The following CNTLN variants were observed in gnomAD, a reference collection of about 807,000 sequenced individuals.
CNTLN encodes the protein centlein, centrosomal protein.
A neutral mutation model predicts 180.0 loss-of-function variants in CNTLN; 212 were observed. The ratio of observed to expected loss-of-function variants is 1.18; its 90% confidence interval spans 1.05 to 1.32. CNTLN has a LOEUF of 1.32. Ranked by LOEUF, CNTLN falls within the 40% of genes most tolerant of loss-of-function variation. CNTLN has a pLI of 0.00. For synonymous variants in CNTLN, 722 were observed against 563.1 expected (o/e 1.28, Z -3.99); for missense variants, 2,095 against 1,610.9 (o/e 1.30, Z -5.14).
At chr9:17,332,394 A>G (rs1820702926) in intron 9 of CNTLN, among the ~76,000 whole-genome samples, 1 of 152,114 alleles carries the variant, frequency 6.6e-6, no homozygotes. Context: ...ATGTAAATGT[A>G]AATGAATATT....
intron 23 of CNTLN, among the ~76,000 whole-genome samples, chr9:17,481,169 C>T (rs907677695): frequency 1.3e-5 from 2 of 152,212 alleles, no homozygotes; most frequent in Non-Finnish European, 2.9e-5. Context: ...AGCAACCCCA[C>T]CTGGCTATAG....
At chr9:17,471,728 GT>G (rs1832051250) in intron 23 of CNTLN, among the ~76,000 whole-genome samples, 1 of 151,988 alleles carries the variant, frequency 6.6e-6, no homozygotes, top group Non-Finnish European at 1.5e-5. Context: ...ACCCTTTGAG[GT>G]GGCTTTAGAG....
At chr9:17,374,569 A>G (rs1158209971) in intron 13 of CNTLN, among the ~76,000 whole-genome samples, 2 of 152,190 alleles carry the variant, frequency 1.3e-5, no homozygotes, top group South Asian at 2.1e-4. Flanking sequence ...GACTCAAACA[A>G]TTAGAAATAG....
At position 17,147,522 on chromosome 9, in the gene CNTLN, G is replaced by C. The variant is rs187541393; in HGVS notation, c.449+4146G>C. Among the ~76,000 whole-genome samples, 771 of 152,146 alleles carry C rather than the reference G, an allele frequency of 5.1e-3. 5 individuals are homozygous for C. Among genetic ancestry groups the C allele is most frequent in the Admixed American group, 8.0e-3 (122 of 15,262 alleles). On this transcript the variant is annotated intron_variant, in intron 2 of 25. Coordinates refer to ENST00000380647, the MANE Select transcript of CNTLN (RefSeq NM_017738.4). ...ATCCTCTTCTGTAGACTTCTATTTAGGTTTTGGATTATAGTTTTTCTCCCT... is the reference window on the plus strand; with the variant it reads ...ATCCTCTTCTGTAGACTTCTATTTACGTTTTGGATTATAGTTTTTCTCCCT...
chr9:17,324,451 A>C (rs755795335), intron 8 of CNTLN, among the ~76,000 whole-genome samples: 1 of 152,192 alleles, frequency 6.6e-6, no homozygotes, highest in African/African-American at 2.4e-5. Context: ...TGTCAGGATT[A>C]GTTTACTCTT....
chr9:17,412,462 G>A (rs890808262), intron 16 of CNTLN, among the ~76,000 whole-genome samples: 2 of 152,180 alleles, frequency 1.3e-5, no homozygotes, highest in Non-Finnish European at 2.9e-5. Context: ...AATGGTTTGA[G>A]TTAAAATTTT....
rs569351894 is a variant in CNTLN at position 17,442,698 on chromosome 9, T to C, written c.3115-14826T>C. ...ACAGGTGTAAGCCACCATGCCCAGC[T>C]AAACCAAACACTCTTAAACAACCAA... On this transcript the variant is annotated intron_variant, in intron 18 of 25. Transcript: ENST00000380647. 2.6e-5 allele frequency among the ~76,000 whole-genome samples: 4 copies of C among 152,238 alleles called. No individual in the cohort carries two copies. The South Asian group carries it at 8.3e-4, about 32-fold the overall frequency.
At chr9:17,346,812 C>T (rs551258284) in intron 12 of CNTLN, among the ~76,000 whole-genome samples, 2 of 152,142 alleles carry the variant, frequency 1.3e-5, no homozygotes, top group South Asian at 4.2e-4. Context: ...CTTTTTAAAC[C>T]CTACATTTCT....
intron 2 of CNTLN, among the ~76,000 whole-genome samples, chr9:17,159,397 A>T (rs1364307869): frequency 1.3e-5 from 2 of 152,076 alleles, no homozygotes; most frequent in Admixed American, 6.6e-5. Flanking sequence ...GTGACCCCCC[A>T]ACTCTAGGAG....
intron 23 of CNTLN, among the ~76,000 whole-genome samples, chr9:17,474,522 C>T (rs1378001731): frequency 6.6e-6 from 1 of 152,154 alleles, no homozygotes; most frequent in African/African-American, 2.4e-5. Flanking sequence ...GCCCTTTCAG[C>T]TCTTGATCCA....
At chr9:17,495,506 T>C (rs890632625) in intron 25 of CNTLN, among the ~76,000 whole-genome samples, 4 of 152,146 alleles carry the variant, frequency 2.6e-5, no homozygotes, top group Non-Finnish European at 5.9e-5. Context: ...AGAATAAGGA[T>C]ATAAAAATGT....
In CNTLN at chr9:17,466,082, G is replaced by C. The variant is rs760901070; in HGVS notation, c.3633G>C (p.Gln1211His). The change falls in exon 22 of 26, where the codon CAG becomes CAC. Residue 1211 changes from glutamine to histidine, a missense_variant. By Grantham distance (24) the Gln-to-His change is conservative. Coordinates refer to ENST00000380647, the MANE Select transcript of CNTLN (RefSeq NM_017738.4). ...TAAAAGAAAAGTCACAGTATGAACA[G>C]ATGTATCAGAAATCTAAAGAGGAGT... ...VAVKEKSQYEQMYQKSKEELE... is the reference protein window; with the variant it reads ...VAVKEKSQYEHMYQKSKEELE... 2.5e-6 allele frequency: 4 copies of C among 1,604,316 alleles called. No individual in the cohort carries two copies. The highest frequency in any genetic ancestry group is 3.4e-6 in the Non-Finnish European group (4 of 1,174,300).
intron 12 of CNTLN, among the ~76,000 whole-genome samples, chr9:17,347,524 C>T (rs1213256362): frequency 1.3e-5 from 2 of 151,814 alleles, no homozygotes; most frequent in Non-Finnish European, 2.9e-5. Context: ...CAAAGATTAG[C>T]CAGGTGTGGT....
Position 17,236,504 on chromosome 9 carries a change from T to C in CNTLN, c.765T>C (p.Thr255=). ...EENKKLSTRC[T]DLLNDLEKLR... is the part of the protein sequence containing the mutation. ...ACAAGAAATTAAGTACCCGCTGCAC[T>C]GACCTGCTAAATGACCTGGAGAAAT... Residue 255 remains threonine (T), a synonymous_variant, in exon 5 of 26, where the codon ACT becomes ACC. Transcript: ENST00000380647. The C allele has an allele frequency of 6.2e-7, 1 of 1,613,730 alleles. No individual in the cohort carries two copies. The highest frequency in any genetic ancestry group is 8.5e-7 in the Non-Finnish European group (1 of 1,179,752).
chr9:17,231,031 A>G lies in CNTLN; in HGVS notation c.535-4627A>G, dbSNP rs927476073. On this transcript the variant is annotated intron_variant, in intron 3 of 25. Transcript: ENST00000380647. ...CTCTATTTTCATGTCTGTCTCTTCA[A>G]TTTTGGGAGCGTTGGTTTGCTGGAT... 2.6e-5 allele frequency among the ~76,000 whole-genome samples: 4 copies of G among 152,146 alleles called. No homozygotes were observed. In the South Asian group the frequency reaches 8.3e-4, roughly 32 times the overall value.
chr9:17,355,475 G>T (rs919384464), intron 12 of CNTLN, among the ~76,000 whole-genome samples: 1 of 152,128 alleles, frequency 6.6e-6, no homozygotes, highest in Non-Finnish European at 1.5e-5. Context: ...TGTAGCTTAT[G>T]CTTTTGGTGT....
At chr9:17,162,487 A>C (rs551407983) in intron 2 of CNTLN, among the ~76,000 whole-genome samples, 21 of 152,362 alleles carry the variant, frequency 1.4e-4, no homozygotes, top group Non-Finnish European at 2.9e-4. Context: ...CATTGCCTTA[A>C]GTTCCTATAC....
At chr9:17,305,305 C>T (rs144976821) in intron 7 of CNTLN, among the ~76,000 whole-genome samples, 40 of 152,092 alleles carry the variant, frequency 2.6e-4, no homozygotes, top group East Asian at 3.9e-4. Flanking sequence ...TAATGTAATA[C>T]GTGGTTACAT....
chr9:17,286,824 TAAG>T (rs1829010920), intron 6 of CNTLN, among the ~76,000 whole-genome samples: 2 of 119,900 alleles, frequency 1.7e-5, no homozygotes, highest in Non-Finnish European at 3.3e-5. Context: ...TGTTGGTGTA[TAAG>T]AATGCTTGTG....
Sources: gnomAD v4.1 joint callset for allele counts (sites outside exome capture counted in the v4.1 genomes callset) on GRCh38, gnomAD v4.1.1 for gene constraint, MANE v1.5 for transcripts, NCBI Gene and HGNC (gene_info 2026-07-23, HGNC 2026-07-21) for gene names.